Variants in SPON1 observed in about 807,000 individuals in gnomAD.
SPON1 encodes spondin 1.
SPON1 carries 52 observed loss-of-function variants against 111.7 expected under a neutral mutation model. The ratio of observed to expected loss-of-function variants is 0.47; its 90% CI spans 0.37 to 0.59. The LOEUF (loss-of-function observed/expected upper bound fraction) is 0.59. SPON1 is among the 20% of genes least tolerant of loss of function. The pLI, the probability that SPON1 is intolerant of heterozygous loss-of-function variation, is 0.00. For missense variants in SPON1, 957 were observed against 1,068.5 expected (o/e 0.90, Z 1.46); for synonymous variants, 410 against 395.8 (o/e 1.04, Z -0.43).
intron 6 of SPON1, among the ~76,000 whole-genome samples, chr11:14,210,228 G>A (rs1036008513): frequency 6.6e-6 from 1 of 152,066 alleles, no homozygotes; most frequent in Non-Finnish European, 1.5e-5. Context: ...TCACTCTGAT[G>A]GTAGTTTCTT....
chr11:14,257,610 G>T, intron 10 of SPON1, 106 bp from the exon 11 acceptor site: 2 of 1,119,396 alleles, frequency 1.8e-6, no homozygotes, highest in South Asian at 1.8e-5. Flanking sequence ...ACTGAAGTCA[G>T]TCTGGCAGCA....
intron 6 of SPON1, among the ~76,000 whole-genome samples, chr11:14,172,246 A>T (rs1419685663): frequency 6.6e-6 from 1 of 151,864 alleles, no homozygotes; most frequent in Non-Finnish European, 1.5e-5. Context: ...CTATTATGTA[A>T]TGGCTTTCTT....
rs1849277726 is a variant in SPON1, at chr11:14,266,944, G to A, written c.*1257G>A. On this transcript the variant is annotated 3_prime_UTR_variant, in exon 16 of 16. Transcript: ENST00000576479. ...GATTCAGGGAGACTGACCACCAAGGGATAGTGTAAAAGGACATTTTCTCAG... is the reference window on the plus strand; with the variant it reads ...GATTCAGGGAGACTGACCACCAAGGAATAGTGTAAAAGGACATTTTCTCAG... 1 of 152,164 alleles carries A rather than the reference G, an allele frequency of 6.6e-6. No homozygotes were observed. The highest frequency in any genetic ancestry group is 2.4e-5 in the African/African-American group (1 of 41,428). 9.4% of individuals were successfully genotyped at this position (152,164 alleles called of 1,614,324 possible). A position where few individuals can be genotyped will look rare whatever the true frequency, so the allele number is the denominator to read the frequency against.
At chr11:14,034,199 A>G (rs888312362) in intron 2 of SPON1, among the ~76,000 whole-genome samples, 2 of 152,226 alleles carry the variant, frequency 1.3e-5, no homozygotes, top group South Asian at 2.1e-4. Context: ...ATCATTGTTG[A>G]AAATTTAGAA....
At chr11:14,058,994 G>A (rs1848768769) in intron 3 of SPON1, among the ~76,000 whole-genome samples, 1 of 152,186 alleles carries the variant, frequency 6.6e-6, no homozygotes, top group African/African-American at 2.4e-5. Flanking sequence ...AAAGTGTCTT[G>A]AGGGCCTCAA....
chr11:14,029,083 A>G (rs567852747), intron 2 of SPON1, among the ~76,000 whole-genome samples: 14 of 151,938 alleles, frequency 9.2e-5, no homozygotes, highest in Admixed American at 3.9e-4. Context: ...GAGGCTTTCT[A>G]TTCTAACTGA....
intron 6 of SPON1, among the ~76,000 whole-genome samples, chr11:14,197,537 C>T (rs980661461): frequency 3.1e-4 from 46 of 149,688 alleles, no homozygotes; most frequent in Non-Finnish European, 5.5e-4. Context: ...GTGGGGGCTG[C>T]GCATGGTGGC....
intron 7 of SPON1, 41 bp downstream of exon 7, chr11:14,243,437 G>T: frequency 6.5e-7 from 1 of 1,536,692 alleles, no homozygotes; most frequent in Non-Finnish European, 8.8e-7. Flanking sequence ...TCTTATCCTA[G>T]CCCCTTCTCA....
chr11:14,259,911 T>G lies in SPON1; in HGVS notation c.1831+210T>G, dbSNP rs1040037653. Among the ~76,000 whole-genome samples the G allele has an allele frequency of 4.6e-5, 7 of 152,198 alleles. No homozygotes were observed. The highest frequency in any genetic ancestry group is 1.0e-4 in the Non-Finnish European group (7 of 68,020). Reference sequence around the variant, plus strand: ...AGAGAGTAACCTCCACTGGGGGACATTCTAAGCAATGCTGGGGTGGCAAAC... The same window carrying G: ...AGAGAGTAACCTCCACTGGGGGACAGTCTAAGCAATGCTGGGGTGGCAAAC... On this transcript the variant is annotated intron_variant, in intron 13 of 15. Coordinates refer to ENST00000576479, the MANE Select transcript of SPON1 (RefSeq NM_006108.4). This position sits in a 1 kb window ranked among gnomAD's most constrained non-coding sequence, Gnocchi z 5.0.
chr11:13,984,265 A>G (rs1200490673), intron 2 of SPON1, among the ~76,000 whole-genome samples: 1 of 152,204 alleles, frequency 6.6e-6, no homozygotes, highest in African/African-American at 2.4e-5. Flanking sequence ...GGACCAGGAA[A>G]TTGAAACTAG....
chr11:14,007,138 C>T (rs1333095986), intron 2 of SPON1, among the ~76,000 whole-genome samples: 1 of 152,158 alleles, frequency 6.6e-6, no homozygotes, highest in African/African-American at 2.4e-5. Flanking sequence ...ATTAGATTCT[C>T]ATAAGGAGTA....
chr11:14,065,479 G>GA lies in SPON1; in HGVS notation c.480-9863dup, dbSNP rs140845678. On this transcript the variant is annotated intron_variant, in intron 3 of 15. Transcript: ENST00000576479. ...CAAGGACTCAGCACAGAACACCGGA[G>GA]AAACCCAAGAGCAACACTTCACTTT... 2.0e-3 allele frequency among the ~76,000 whole-genome samples: 297 copies of GA among 152,290 alleles called. 1 individual carries two copies. Among genetic ancestry groups the GA allele is most frequent in the Non-Finnish European group, 1.8e-3 (121 of 68,024 alleles).
At position 14,079,891 on chromosome 11, in the gene SPON1, T is replaced by G; in HGVS notation, c.554-8T>G. On this transcript the variant is annotated splice_region_variant and splice_polypyrimidine_tract_variant and intron_variant, in intron 4 of 15. Transcript: ENST00000576479. The stretch of plus-strand genomic sequence containing the variant: ...TTTCTAACTTGGTGACTTTTCTGAC[T>G]GTTTCAGATTCCACATTTGATGGGG... 1 of 1,613,998 alleles carries G rather than the reference T, an allele frequency of 6.2e-7. No individual in the cohort carries two copies. The highest frequency in any genetic ancestry group is 8.5e-7 in the Non-Finnish European group (1 of 1,179,868).
At chr11:14,022,967 C>A (rs1733035545) in intron 2 of SPON1, among the ~76,000 whole-genome samples, 1 of 152,204 alleles carries the variant, frequency 6.6e-6, no homozygotes, top group Non-Finnish European at 1.5e-5. Context: ...ATTTGTTCCT[C>A]CCTCTTTTCC....
chr11:14,009,381 T>C (rs2133797415), intron 2 of SPON1, among the ~76,000 whole-genome samples: 1 of 152,298 alleles, frequency 6.6e-6, no homozygotes, highest in East Asian at 1.9e-4. Flanking sequence ...CCCCAGGGTA[T>C]GTGTAGAGAA....
In SPON1 at chr11:14,260,638, G is replaced by C. The variant is rs782614444; in HGVS notation, c.1882G>C (p.Val628Leu). ...ATGGTCCGAGTGGAGTGACTGCAGC[G>C]TGACCTGCGGGAAGGGCATGCGAAC... ...SPWSEWSDCS[V>L]TCGKGMRTRQ... is the part of the protein sequence containing the mutation. The change falls in exon 14 of 16, where the codon GTG becomes CTG. Residue 628 changes from valine (V) to leucine (L), a missense_variant. Physicochemically the swap from Val to Leu is conservative, Grantham distance 32 (BLOSUM62 1). This residue lies in a region of SPON1 where 549 missense variants were observed against 606.2 expected (regional missense o/e 0.91). Transcript: ENST00000576479. 6.2e-7 allele frequency: 1 copy of C among 1,613,972 alleles called. No individual in the cohort carries two copies. The highest frequency in any genetic ancestry group is 1.1e-5 in the South Asian group (1 of 91,082).
At position 14,037,073 on chromosome 11, in the gene SPON1, G is replaced by A. The variant is rs1445370233; in HGVS notation, c.346-4448G>A. Reference sequence around the variant, plus strand: ...AGAGAGAGAGAAGACCGTAACTGGAGGGGGATGAAGAGTTAAGTAAGGTCT... The same window carrying A: ...AGAGAGAGAGAAGACCGTAACTGGAAGGGGATGAAGAGTTAAGTAAGGTCT... On this transcript the variant is annotated intron_variant, in intron 2 of 15. Transcript: ENST00000576479. 3.3e-5 allele frequency among the ~76,000 whole-genome samples: 5 copies of A among 152,234 alleles called. 1 individual carries two copies. In the East Asian group the frequency reaches 9.6e-4, roughly 29 times the overall value.
chr11:14,222,476 C>A (rs1848690939), intron 6 of SPON1, among the ~76,000 whole-genome samples: 1 of 152,160 alleles, frequency 6.6e-6, no homozygotes, highest in Admixed American at 6.5e-5. Flanking sequence ...CCAGAGATCC[C>A]AATTCAGTAG....
At chr11:14,103,505 C>T (rs1849160564) in intron 5 of SPON1, among the ~76,000 whole-genome samples, 1 of 152,180 alleles carries the variant, frequency 6.6e-6, no homozygotes, top group Non-Finnish European at 1.5e-5. Context: ...TGCAATAGTC[C>T]TCACAAATCC....
Sources: gnomAD v4.1 joint callset for allele counts (sites outside exome capture counted in the v4.1 genomes callset) on GRCh38, gnomAD v4.1.1 for gene constraint, gnomAD v4.1.1 regional missense constraint, Gnocchi (gnomAD v3.1) non-coding constraint, MANE v1.5 for transcripts, NCBI Gene and HGNC (gene_info 2026-07-23, HGNC 2026-07-21) for gene names.